IL17RB: variants seen among roughly 807,000 people sequenced by gnomAD.
IL17RB encodes interleukin 17 receptor B.
In IL17RB, 36 loss-of-function variants were observed where a neutral mutation model predicts 43.9. That is an observed-to-expected ratio of 0.82 (90% CI 0.63 to 1.08). The LOEUF (loss-of-function observed/expected upper bound fraction) is 1.08. Ranked by LOEUF, IL17RB falls within the 50% of genes least tolerant of loss-of-function variation. The probability of loss-of-function intolerance (pLI) is 0.00; values close to 1 mark genes in which losing one functional copy is unlikely to be tolerated. For synonymous variants in IL17RB, 225 were observed against 225.4 expected (o/e 1.00, Z 0.02); for missense variants, 613 against 613.6 (o/e 1.00, Z 0.01).
At chr3:53,850,494 C>T (rs760244755) in intron 3 of IL17RB, among the ~76,000 whole-genome samples, 7 of 135,114 alleles carry the variant, frequency 5.2e-5, no homozygotes, top group East Asian at 2.6e-4. Context: ...AGTGAAACTC[C>T]GTCTCAAAAA....
At chr3:53,853,056 T>G (rs544083427) in intron 5 of IL17RB, 59 bp downstream of exon 5, 27 of 1,604,612 alleles carry the variant, frequency 1.7e-5, no homozygotes, top group Admixed American at 3.3e-5. Flanking sequence ...CTTTGCGATA[T>G]GCACAGAGAG....
chr3:53,857,201 C>G (rs1699369630), intron 7 of IL17RB, among the ~76,000 whole-genome samples: 1 of 152,208 alleles, frequency 6.6e-6, no homozygotes, highest in Non-Finnish European at 1.5e-5. Context: ...CTTCTTTACA[C>G]ATGGTCTAGT....
chr3:53,846,857 C>A (rs986147141), intron 1 of IL17RB, among the ~76,000 whole-genome samples: 1 of 152,204 alleles, frequency 6.6e-6, no homozygotes, highest in Non-Finnish European at 1.5e-5. Flanking sequence ...GTCTCAGATG[C>A]CACCCTGTAC....
rs770396506 is a variant in IL17RB at position 53,853,015 on chromosome 3, TTTA to T, written c.481+24_481+26del. The T allele has an allele frequency of 1.2e-6, 2 of 1,613,782 alleles. No individual in the cohort carries two copies. Among genetic ancestry groups the T allele is most frequent in the Non-Finnish European group, 1.7e-6 (2 of 1,179,694 alleles). On this transcript the variant is annotated intron_variant, in intron 5 of 10. Coordinates refer to ENST00000288167, the MANE Select transcript of IL17RB (RefSeq NM_018725.4). ...CTCACCAGGTAAACTTCCTCATTTG[TTTA>T]TTATTCTTTGTCTTGCTGGGATGCC...
chr3:53,849,417 T>C (rs45442298), intron 2 of IL17RB, among the ~76,000 whole-genome samples: 3,280 of 152,212 alleles, frequency 0.022, 52 homozygotes, highest in Non-Finnish European at 0.031. Context: ...GGCTTATACC[T>C]ATAATCCAAG....
chr3:53,851,918 C>T, intron 3 of IL17RB, 81 bp from the exon 4 acceptor site: 2 of 1,436,942 alleles, frequency 1.4e-6, no homozygotes, highest in Non-Finnish European at 1.9e-6. Flanking sequence ...TAAAATAAAG[C>T]ATGCTAGTAA....
At chr3:53,863,399 A>T (rs902241008) in intron 10 of IL17RB, among the ~76,000 whole-genome samples, 1 of 126,606 alleles carries the variant, frequency 7.9e-6, no homozygotes, top group Non-Finnish European at 1.7e-5. Context: ...CAGAGCTATT[A>T]AAAAAACTCC....
Position 53,849,618 on chromosome 3 carries a change from G to C in IL17RB, c.86-37G>C, listed in dbSNP as rs28385739. 1,162 of 1,558,926 alleles carry C rather than the reference G, an allele frequency of 7.5e-4. 7 individuals carry two copies. In the African/African-American group the frequency reaches 0.013, roughly 17 times the overall value. ...GATGGCATGGCATCAGACTGGGCTG[G>C]GAAAGACAGTGTCATGGAAGTCTTG... is the stretch of plus-strand genomic sequence containing the variant. On this transcript the variant is annotated intron_variant, in intron 2 of 10. Transcript: ENST00000288167.
rs771485961 is a variant in IL17RB, at chr3:53,848,687, T to C, written c.84T>C (p.Thr28=). The change falls in exon 2 of 11, where the codon ACT becomes ACC. Residue 28 remains threonine, a splice_region_variant and synonymous_variant. Transcript: ENST00000288167. ...AGACCGTTCAATGTGGCTCTGAAAC[T>C]GGTAGGTGCATTAGAGAATGGGTAT... ...REPTVQCGSE[T]GPSPEWMLQH... is the part of the protein sequence containing the mutation. 6.2e-7 allele frequency: 1 copy of C among 1,614,058 alleles called. No homozygotes were observed. The highest frequency in any genetic ancestry group is 8.5e-7 in the Non-Finnish European group (1 of 1,179,932).
At chr3:53,860,260 G>C in intron 10 of IL17RB, 32 bp downstream of exon 10, 1 of 1,535,650 alleles carries the variant, frequency 6.5e-7, no homozygotes, top group Non-Finnish European at 8.9e-7. Context: ...AGACATCCTA[G>C]TAAGGAAATA....
chr3:53,851,615 C>T (rs1699150873), intron 3 of IL17RB, among the ~76,000 whole-genome samples: 1 of 152,120 alleles, frequency 6.6e-6, no homozygotes, highest in Non-Finnish European at 1.5e-5. Context: ...TTGGTGATGA[C>T]AGTCTTGGAG....
intron 5 of IL17RB, 59 bp downstream of exon 5, chr3:53,853,056 T>C: frequency 1.9e-6 from 3 of 1,604,728 alleles, no homozygotes; most frequent in African/African-American, 2.7e-5. Context: ...CTTTGCGATA[T>C]GCACAGAGAG....
chr3:53,851,781 A>G (rs1576829189), intron 3 of IL17RB, among the ~76,000 whole-genome samples: 1 of 152,216 alleles, frequency 6.6e-6, no homozygotes, highest in East Asian at 1.9e-4. Context: ...CGTATCTGCT[A>G]CTTGCTGATG....
chr3:53,846,915 A>G (rs1698927556), intron 1 of IL17RB, among the ~76,000 whole-genome samples: 2 of 152,222 alleles, frequency 1.3e-5, no homozygotes, highest in South Asian at 2.1e-4. Flanking sequence ...CCCGAACGGT[A>G]AAACGAAGGG....
intron 10 of IL17RB, among the ~76,000 whole-genome samples, chr3:53,864,171 A>C (rs1699682326): frequency 6.6e-6 from 1 of 152,160 alleles, no homozygotes; most frequent in Non-Finnish European, 1.5e-5. Flanking sequence ...CTGAAAAGAG[A>C]AGGCTTGGTT....
chr3:53,853,661 GTCTA>G (rs975784922), intron 5 of IL17RB, among the ~76,000 whole-genome samples: 8 of 152,090 alleles, frequency 5.3e-5, no homozygotes, highest in Non-Finnish European at 7.4e-5. Context: ...TGTGTGAAGG[GTCTA>G]TCTGAGCCGA....
chr3:53,858,393 T>A (rs1215640499), intron 8 of IL17RB: 1 of 1,094,596 alleles, frequency 9.1e-7, no homozygotes, highest in African/African-American at 1.6e-5. Context: ...GCCAAGAGGA[T>A]CACTGCTGCT....
chr3:53,861,589 G>A (rs932657699), intron 10 of IL17RB: 1 of 152,178 alleles, frequency 6.6e-6, no homozygotes, highest in African/African-American at 2.4e-5. Context: ...TTGAGAAAAA[G>A]CAAAGTCATT....
chr3:53,851,946 C>T, intron 3 of IL17RB, 53 bp from the exon 4 acceptor site: 2 of 1,605,786 alleles, frequency 1.2e-6, no homozygotes, highest in Non-Finnish European at 1.7e-6. Flanking sequence ...AGCATCAAGT[C>T]AGCCACACAG....
Sources: allele counts gnomAD v4.1 joint callset (sites outside exome capture counted in the v4.1 genomes callset), GRCh38; gene constraint gnomAD v4.1.1; transcripts MANE v1.5; gene names NCBI Gene and HGNC (gene_info 2026-07-23, HGNC 2026-07-21).